Variants in GRK4 observed in about 807,000 individuals in gnomAD.
GRK4 encodes G protein-coupled receptor kinase 2-like.
In GRK4, 73 loss-of-function variants were observed where a neutral mutation model predicts 77.9. The observed-to-expected ratio is 0.94, with a 90% CI of 0.78 to 1.14. The LOEUF (loss-of-function observed/expected upper bound fraction) is 1.14. Among genes scored for constraint, GRK4 ranks in the 50% most tolerant of loss-of-function variants. The pLI is 0.00. For synonymous variants in GRK4, 257 were observed against 254.4 expected (o/e 1.01, Z -0.10); for missense variants, 729 against 700.2 (o/e 1.04, Z -0.46).
chr4:3,004,308 CA>C lies in GRK4; in HGVS notation c.423del (p.Ala142ProfsTer13). 6.2e-7 allele frequency: 1 copy of C among 1,611,186 alleles called. No homozygotes were observed. Among genetic ancestry groups the C allele is most frequent in the Non-Finnish European group, 8.5e-7 (1 of 1,177,748 alleles). ...TGGGACTGAAGGAGGAGAACCCTTC[CA>C]AAAAAGCCTTTGAGGAATGTACTAG... ...RLGLKEENPS[K>X]KAFEECTRVA... On this transcript the variant is annotated frameshift_variant, in exon 5 of 16. Transcript: ENST00000398052. LOFTEE classifies it high-confidence loss of function.
At chr4:2,967,658 C>CA (rs1173913913) in intron 1 of GRK4, among the ~76,000 whole-genome samples, 1 of 152,230 alleles carries the variant, frequency 6.6e-6, no homozygotes, top group Non-Finnish European at 1.5e-5. Flanking sequence ...CTCAGCCTCC[C>CA]AAAGTGCTGG....
chr4:3,013,879 T>C, intron 8 of GRK4, 51 bp downstream of exon 8: 1 of 1,532,022 alleles, frequency 6.5e-7, no homozygotes, highest in East Asian at 2.3e-5. Flanking sequence ...TCATAGCACT[T>C]TTGTCAGCCG....
Position 3,037,565 on chromosome 4 carries a change from A to G in GRK4, c.1545+54A>G, listed in dbSNP as rs920128309. On this transcript the variant is annotated intron_variant, in intron 14 of 15. Transcript: ENST00000398052. ...CGTTAGTTCCAACAGTGACCCAGGG[A>G]AAAGGGTGTGTGTGTGTCCGTGTGT... 37 of 1,539,982 alleles carry G rather than the reference A, an allele frequency of 2.4e-5. No homozygotes were observed. In the African/African-American group the frequency reaches 3.6e-4, roughly 15 times the overall value.
At chr4:2,988,883 C>A in intron 3 of GRK4, 44 bp downstream of exon 3, 3 of 1,271,128 alleles carry the variant, frequency 2.4e-6, no homozygotes, top group South Asian at 2.4e-5. Flanking sequence ...CAATCTTATG[C>A]TTTTGAAAAT....
chr4:3,007,410 C>T (rs1731634951), intron 5 of GRK4, among the ~76,000 whole-genome samples: 1 of 151,870 alleles, frequency 6.6e-6, no homozygotes, highest in African/African-American at 2.4e-5. Flanking sequence ...ATGGCTTTGA[C>T]CTCTATGCTG....
chr4:2,970,765 G>A (rs919165974), intron 1 of GRK4, among the ~76,000 whole-genome samples: 14 of 151,834 alleles, frequency 9.2e-5, no homozygotes, highest in Non-Finnish European at 2.9e-5. Flanking sequence ...TGCCTCCCAG[G>A]TTCACGCCAT....
At chr4:3,012,348 G>A (rs529982940) in intron 7 of GRK4, among the ~76,000 whole-genome samples, 26 of 152,282 alleles carry the variant, frequency 1.7e-4, no homozygotes, top group South Asian at 8.3e-4. Context: ...GACCAGTTTT[G>A]CCATGAAAGG....
chr4:2,964,353 G>C (rs560823636), intron 1 of GRK4, among the ~76,000 whole-genome samples: 179 of 152,264 alleles, frequency 1.2e-3, no homozygotes, highest in African/African-American at 4.2e-3. Context: ...GCCCAGATGA[G>C]AGAAGTCTGC....
At chr4:3,019,866 C>T (rs376559594) in intron 9 of GRK4, 35 bp downstream of exon 9, 1 of 1,569,804 alleles carries the variant, frequency 6.4e-7, no homozygotes, top group Non-Finnish European at 8.7e-7. Context: ...GCCTGCAAGT[C>T]TTGGAGCCGG....
At chr4:3,014,296 C>CTCTCTCT (rs757312217) in intron 8 of GRK4, among the ~76,000 whole-genome samples, 4 of 119,000 alleles carry the variant, frequency 3.4e-5, no homozygotes, top group African/African-American at 1.4e-4. Context: ...CTCTCTCTCT[C>CTCTCTCT]TTTTTTTTTT....
Position 3,009,701 on chromosome 4 carries a change from G to T in GRK4, c.590G>T (p.Gly197Val), listed in dbSNP as rs370605613. 13 of 1,613,640 alleles carry T rather than the reference G, an allele frequency of 8.1e-6. No individual in the cohort carries two copies. Among genetic ancestry groups the T allele is most frequent in the Non-Finnish European group, 1.1e-5 (13 of 1,179,738 alleles). Residue 197 changes from glycine (G) to valine (V), a missense_variant, in exon 7 of 16, where the codon GGA (glycine) becomes GTA (valine). Physicochemically the swap from Gly to Val is moderately radical, Grantham distance 109. Coordinates refer to ENST00000398052, the MANE Select transcript of GRK4 (RefSeq NM_182982.3). ...CATTACAGAGTTCTAGGAAAAGGCGGATTTGGAGAGGTGAGTAACGGGAGC... is the reference window on the plus strand; with the variant it reads ...CATTACAGAGTTCTAGGAAAAGGCGTATTTGGAGAGGTGAGTAACGGGAGC... The part of the protein sequence containing the change: ...FRHYRVLGKG[G>V]FGEVCACQVR...
chr4:2,973,728 C>T (rs1720274877), intron 1 of GRK4, among the ~76,000 whole-genome samples: 2 of 152,190 alleles, frequency 1.3e-5, no homozygotes, highest in Non-Finnish European at 2.9e-5. Context: ...CCGTGGTCAG[C>T]TTCTGCCTTT....
At chr4:2,999,390 T>A (rs1209219567) in intron 4 of GRK4, among the ~76,000 whole-genome samples, 1 of 152,156 alleles carries the variant, frequency 6.6e-6, no homozygotes, top group African/African-American at 2.4e-5. Flanking sequence ...ATCACCTTTT[T>A]AAAGGTCCCA....
intron 7 of GRK4, among the ~76,000 whole-genome samples, chr4:3,011,772 G>T (rs191982459): frequency 6.6e-6 from 1 of 152,340 alleles, no homozygotes; most frequent in Non-Finnish European, 1.5e-5. Flanking sequence ...AGCAAACCTA[G>T]TTGGTTTTAT....
intron 12 of GRK4, among the ~76,000 whole-genome samples, chr4:3,029,971 G>C (rs1343882158): frequency 6.6e-6 from 1 of 152,194 alleles, no homozygotes; most frequent in African/African-American, 2.4e-5. Context: ...CTACTGAAAG[G>C]GAAGAGTGGT....
intron 4 of GRK4, among the ~76,000 whole-genome samples, chr4:2,993,273 T>G (rs1271804835): frequency 1.3e-5 from 2 of 152,232 alleles, no homozygotes; most frequent in Non-Finnish European, 2.9e-5. Context: ...AGCTGTAACC[T>G]GCTTCCTTTC....
intron 5 of GRK4, among the ~76,000 whole-genome samples, chr4:3,005,215 T>C (rs1192416410): frequency 1.3e-5 from 2 of 151,932 alleles, no homozygotes; most frequent in Non-Finnish European, 2.9e-5. Context: ...CAGTGCCTTG[T>C]GTATGCATGC....
intron 4 of GRK4, among the ~76,000 whole-genome samples, chr4:2,996,932 C>G (rs371270314): frequency 1.3e-5 from 2 of 152,096 alleles, no homozygotes; most frequent in East Asian, 1.9e-4. Context: ...AAAAAGGGAA[C>G]CCCTAGGCTA....
intron 4 of GRK4, among the ~76,000 whole-genome samples, chr4:3,000,020 C>G (rs1020824447): frequency 6.6e-6 from 1 of 152,178 alleles, no homozygotes; most frequent in Non-Finnish European, 1.5e-5. Flanking sequence ...AATCCACCCT[C>G]CCTTCCCTCT....
Sources: allele counts gnomAD v4.1 joint callset (sites outside exome capture counted in the v4.1 genomes callset), GRCh38; gene constraint gnomAD v4.1.1; transcripts MANE v1.5; gene names NCBI Gene and HGNC (gene_info 2026-07-23, HGNC 2026-07-21).